LGI4: variants seen among roughly 807,000 people sequenced by gnomAD.
The protein encoded by LGI4 is leucine rich repeat LGI family member 4.
A neutral mutation model predicts 48.3 loss-of-function variants in LGI4; 36 were observed. The observed-to-expected ratio is 0.75, with a 90% CI of 0.57 to 0.98. The LOEUF is 0.98. LGI4 is among the 50% of genes least tolerant of loss of function. The pLI, the probability that LGI4 is intolerant of heterozygous loss-of-function variation, is 0.00. For missense variants in LGI4, 701 were observed against 732.1 expected (o/e 0.96, Z 0.49); for synonymous variants, 355 against 331.6 (o/e 1.07, Z -0.77).
In LGI4 at chr19:35,125,490, G is replaced by A. The variant is rs1225008915; in HGVS notation, c.1317C>T (p.Gly439=). The change falls in exon 9 of 9, where the codon GGC becomes GGT. Residue 439 remains glycine (G), a synonymous_variant. Transcript: ENST00000310123. ...GTTGCTGCAGCAGACGAAACATGGAGCCGTCCCAGCGCATGACCTGTGGGG... is the reference window on the plus strand; with the variant it reads ...GTTGCTGCAGCAGACGAAACATGGAACCGTCCCAGCGCATGACCTGTGGGG... ...IGDSMVMRWD[G]SMFRLLQQLP... is the part of the protein sequence containing the mutation. The A allele has an allele frequency of 1.9e-6, 3 of 1,567,982 alleles. No homozygotes were observed. Among genetic ancestry groups the A allele is most frequent in the Non-Finnish European group, 2.6e-6 (3 of 1,154,544 alleles).
At chr19:35,129,086 A>G (rs936539708) in intron 6 of LGI4, among the ~76,000 whole-genome samples, 1 of 151,950 alleles carries the variant, frequency 6.6e-6, no homozygotes, top group Non-Finnish European at 1.5e-5. Flanking sequence ...CATCTCCCCA[A>G]ACTCCCAGGA....
At chr19:35,128,361 T>C (rs1260446260) in intron 6 of LGI4, among the ~76,000 whole-genome samples, 1 of 152,162 alleles carries the variant, frequency 6.6e-6, no homozygotes, top group African/African-American at 2.4e-5. Context: ...AAACTACATA[T>C]AATGCCCACC....
chr19:35,134,606 T>G lies in LGI4; in HGVS notation c.75A>C (p.Gly25=). 1 of 1,588,276 alleles carries G rather than the reference T, an allele frequency of 6.3e-7. No homozygotes were observed. Among genetic ancestry groups the G allele is most frequent in the Non-Finnish European group, 8.6e-7 (1 of 1,167,908 alleles). ...AGCAGGAGCAGCGCAGGGGACACTTTCCCTTTGGGGGTCTCCAGGCCACCA... is the reference window on the plus strand; with the variant it reads ...AGCAGGAGCAGCGCAGGGGACACTTGCCCTTTGGGGGTCTCCAGGCCACCA... ...GVVVAWRPPK[G]KCPLRCSCSK... The change falls in exon 1 of 9, where the codon GGA becomes GGC. Residue 25 remains glycine (G), a synonymous_variant. Transcript: ENST00000310123.
chr19:35,133,648 C>T, intron 3 of LGI4, 45 bp downstream of exon 3: 6 of 1,552,950 alleles, frequency 3.9e-6, no homozygotes, highest in South Asian at 1.2e-5. Context: ...AGAAGGGTCC[C>T]TCCTTGCCCA....
intron 6 of LGI4, among the ~76,000 whole-genome samples, chr19:35,127,718 A>C (rs376384048): frequency 1.5e-4 from 23 of 152,328 alleles, no homozygotes; most frequent in African/African-American, 5.3e-4. Flanking sequence ...GTGTGGCATC[A>C]CCAAATAATC....
At chr19:35,127,928 A>C (rs2065151075) in intron 6 of LGI4, among the ~76,000 whole-genome samples, 1 of 152,226 alleles carries the variant, frequency 6.6e-6, no homozygotes, top group Non-Finnish European at 1.5e-5. Context: ...TAGAGGCTGC[A>C]TTATCCCGGG....
At chr19:35,130,799 G>A (rs2065169160) in intron 6 of LGI4, among the ~76,000 whole-genome samples, 1 of 152,106 alleles carries the variant, frequency 6.6e-6, no homozygotes, top group Non-Finnish European at 1.5e-5. Flanking sequence ...CTGACTCTGG[G>A]CTCCCTCAGC....
intron 8 of LGI4, 122 bp downstream of exon 8, chr19:35,126,148 G>T: frequency 9.0e-7 from 1 of 1,106,572 alleles, no homozygotes; most frequent in Non-Finnish European, 1.3e-6. Flanking sequence ...CTTGGCATCA[G>T]TGTGGGGTGG....
intron 8 of LGI4, 124 bp from the exon 9 acceptor site, chr19:35,125,631 C>T (rs2065128384): frequency 2.3e-6 from 2 of 865,986 alleles, no homozygotes; most frequent in Admixed American, 2.1e-5. Flanking sequence ...ATAAAAGTCA[C>T]CACCCACCTG....
rs922505680 is a variant in LGI4 at position 35,125,117 on chromosome 19, C to T, written c.*76G>A. The T allele has an allele frequency of 8.3e-6, 11 of 1,318,368 alleles. No individual in the cohort carries two copies. Among genetic ancestry groups the T allele is most frequent in the Non-Finnish European group, 1.1e-5 (11 of 973,236 alleles). 81.7% of individuals were successfully genotyped at this position (1,318,368 alleles called of 1,614,324 possible). ...GGTCAGCAGCTCACAGGCGGGCCATCACCCCAAGTAGGGCCAGGAGCCAGC... is the reference window on the plus strand; with the variant it reads ...GGTCAGCAGCTCACAGGCGGGCCATTACCCCAAGTAGGGCCAGGAGCCAGC... On this transcript the variant is annotated 3_prime_UTR_variant, in exon 9 of 9. Coordinates refer to ENST00000310123, the MANE Select transcript of LGI4 (RefSeq NM_139284.3).
chr19:35,132,092 C>A, intron 3 of LGI4, 50 bp from the exon 4 acceptor site: 2 of 1,462,116 alleles, frequency 1.4e-6, no homozygotes, highest in Non-Finnish European at 9.4e-7. Flanking sequence ...CTTCAGGGAA[C>A]GCACCCCATG....
At position 35,126,402 on chromosome 19, in the gene LGI4, G is replaced by A; in HGVS notation, c.1167C>T (p.Leu389=). ...LLASASQRPV[L]FHWTGGRFER... ...CGAAGCGGCCACCGGTCCAGTGGAA[G>A]AGCACGGGCCGCTGGGAAGCCGAGG... The change falls in exon 8 of 9, where the codon CTC becomes CTT. Residue 389 remains leucine, a synonymous_variant. Coordinates refer to ENST00000310123, the MANE Select transcript of LGI4 (RefSeq NM_139284.3). 6.2e-7 allele frequency: 1 copy of A among 1,609,550 alleles called. No individual in the cohort carries two copies. The highest frequency in any genetic ancestry group is 8.5e-7 in the Non-Finnish European group (1 of 1,179,176).
At position 35,125,491 on chromosome 19, in the gene LGI4, C is replaced by A. The variant is rs1300817195; in HGVS notation, c.1316G>T (p.Gly439Val). 2 of 1,567,126 alleles carry A rather than the reference C, an allele frequency of 1.3e-6. No homozygotes were observed. Among genetic ancestry groups the A allele is most frequent in the East Asian group, 2.3e-5 (1 of 43,630 alleles). Residue 439 changes from glycine (G) to valine (V), a missense_variant, in exon 9 of 9, where the codon GGC (glycine) becomes GTC (valine). Around this residue, in one of 3 missense-constraint regions of LGI4, gnomAD observed 223 missense variants for 263.3 expected, o/e 0.85. Coordinates refer to ENST00000310123, the MANE Select transcript of LGI4 (RefSeq NM_139284.3). ...TTGCTGCAGCAGACGAAACATGGAG[C>A]CGTCCCAGCGCATGACCTGTGGGGG... ...IGDSMVMRWD[G>V]SMFRLLQQLP...
chr19:35,126,936 A>T lies in LGI4; in HGVS notation c.710T>A (p.Leu237Gln). 2 of 1,613,856 alleles carry T rather than the reference A, an allele frequency of 1.2e-6. No individual in the cohort carries two copies. Among genetic ancestry groups the T allele is most frequent in the Non-Finnish European group, 1.7e-6 (2 of 1,179,948 alleles). The change falls in exon 7 of 9, where the codon CTG (leucine) becomes CAG (glutamine). Residue 237 changes from leucine to glutamine, a missense_variant. Leu to Gln is a moderately radical substitution (Grantham distance 113). Around this residue, in one of 3 missense-constraint regions of LGI4, gnomAD observed 462 missense variants for 436.4 expected, o/e 1.06. Transcript: ENST00000310123. ...GCAGCGGCCGGCGAAGGGCTGTGCC[A>T]GCACAATGTGAGGCTCCCCTTGGTA... ...FSYQGEPHIVLAQPFAGRCLI... is the reference protein window; with the variant it reads ...FSYQGEPHIVQAQPFAGRCLI...
chr19:35,133,575 A>G, intron 3 of LGI4, 118 bp downstream of exon 3: 4 of 1,484,896 alleles, frequency 2.7e-6, no homozygotes, highest in Non-Finnish European at 9.0e-7. Context: ...CCATCCCACC[A>G]TGATGTCCAA....
At chr19:35,132,156 T>C in intron 3 of LGI4, 114 bp from the exon 4 acceptor site, 1 of 880,418 alleles carries the variant, frequency 1.1e-6, no homozygotes, top group Non-Finnish European at 1.8e-6. Flanking sequence ...CCACGGACAA[T>C]CCCAGGGAAA....
Position 35,126,358 on chromosome 19 carries a change from G to A in LGI4, c.1211C>T (p.Pro404Leu). The A allele has an allele frequency of 6.2e-7, 1 of 1,611,770 alleles. No individual in the cohort carries two copies. The part of the protein sequence containing the change: ...GGRFERRTDI[P>L]EAEDVYATRH... ...TGTGGCATAGACATCCTCGGCCTCG[G>A]GGATGTCTGTGCGTCTCTCGAAGCG... The change falls in exon 8 of 9, where the codon CCC (proline) becomes CTC (leucine). Residue 404 changes from proline to leucine, a missense_variant. Around this residue, in one of 3 missense-constraint regions of LGI4, gnomAD observed 223 missense variants for 263.3 expected, o/e 0.85. Coordinates refer to ENST00000310123, the MANE Select transcript of LGI4 (RefSeq NM_139284.3).
intron 6 of LGI4, among the ~76,000 whole-genome samples, chr19:35,130,432 C>T (rs1407432455): frequency 6.6e-6 from 1 of 152,110 alleles, no homozygotes; most frequent in Non-Finnish European, 1.5e-5. Flanking sequence ...TGCTTGTAAT[C>T]CCAGCACTTT....
chr19:35,126,685 G>T lies in LGI4; in HGVS notation c.884C>A (p.Ala295Asp). Reference protein sequence around the residue: ...ARLWGGSQLWARPSPGLRLAP... With the variant: ...ARLWGGSQLWDRPSPGLRLAP... ...CAGGCGCAGGCCGGGACTGGGCCGGGCCCACAGCTGTGAGCCCCCCCACAG... is the reference window on the plus strand; with the variant it reads ...CAGGCGCAGGCCGGGACTGGGCCGGTCCCACAGCTGTGAGCCCCCCCACAG... Residue 295 changes from alanine to aspartate, a missense_variant, in exon 8 of 9, where the codon GCC becomes GAC. Around this residue, in one of 3 missense-constraint regions of LGI4, gnomAD observed 462 missense variants for 436.4 expected, o/e 1.06. Transcript: ENST00000310123. The T allele has an allele frequency of 6.5e-7, 1 of 1,536,274 alleles. No individual in the cohort carries two copies. The highest frequency in any genetic ancestry group is 8.7e-7 in the Non-Finnish European group (1 of 1,146,510).
Sources: allele counts gnomAD v4.1 joint callset (sites outside exome capture counted in the v4.1 genomes callset), GRCh38; gene constraint gnomAD v4.1.1; regional missense constraint gnomAD v4.1.1; transcripts MANE v1.5; gene names NCBI Gene and HGNC (gene_info 2026-07-23, HGNC 2026-07-21).